Variants in LAMA1 observed in about 807,000 individuals in gnomAD.
LAMA1 encodes the protein laminin subunit alpha 1, also known as laminin subunit alpha-1.
A neutral mutation model predicts 348.7 loss-of-function variants in LAMA1; 219 were observed. The ratio of observed to expected loss-of-function variants is 0.63; its 90% CI spans 0.56 to 0.70. The LOEUF (loss-of-function observed/expected upper bound fraction) is 0.70. Ranked by LOEUF, LAMA1 falls within the 30% of genes least tolerant of loss-of-function variation. The probability of loss-of-function intolerance (pLI) is 0.00; values close to 1 mark genes in which losing one functional copy is unlikely to be tolerated. For synonymous variants in LAMA1, 1,487 were observed against 1,491.0 expected (o/e 1.00, Z 0.06); for missense variants, 3,744 against 3,888.0 (o/e 0.96, Z 0.99).
chr18:7,017,438 A>G, intron 19 of LAMA1, 54 bp from the exon 20 acceptor site: 3 of 1,278,212 alleles, frequency 2.3e-6, no homozygotes, highest in Non-Finnish European at 3.4e-6. Context: ...GATGGTTATC[A>G]TAAGATCCGT....
chr18:6,996,021 C>A (rs1425594254), intron 33 of LAMA1, among the ~76,000 whole-genome samples: 1 of 151,908 alleles, frequency 6.6e-6, no homozygotes, highest in Non-Finnish European at 1.5e-5. Flanking sequence ...AAATTTAAAT[C>A]AAATATTTGT....
Position 7,040,207 on chromosome 18 carries a change from C to T in LAMA1, c.1291G>A (p.Glu431Lys), listed in dbSNP as rs773502684. Reference sequence around the variant, plus strand: ...TCACATTTTTCTCCTGTATAACCTTCCTTACATGGGCACTGACCTGGCTGC... The same window carrying T: ...TCACATTTTTCTCCTGTATAACCTTTCTTACATGGGCACTGACCTGGCTGC... ...GKQPGQCPCKEGYTGEKCDRC... is the reference protein window; with the variant it reads ...GKQPGQCPCKKGYTGEKCDRC... Residue 431 changes from glutamate (E) to lysine (K), a missense_variant, in exon 10 of 63, where the codon GAA becomes AAA. By Grantham distance (56) the Glu-to-Lys change is moderately conservative. Around this residue, in one of 3 missense-constraint regions of LAMA1, gnomAD observed 1,529 missense variants for 1,689.4 expected, o/e 0.91. Coordinates refer to ENST00000389658, the MANE Select transcript of LAMA1 (RefSeq NM_005559.4). The T allele has an allele frequency of 1.2e-6, 2 of 1,614,038 alleles. No homozygotes were observed. Among genetic ancestry groups the T allele is most frequent in the Non-Finnish European group, 1.7e-6 (2 of 1,180,040 alleles).
rs180914650 is a variant in LAMA1 at position 7,012,391 on chromosome 18, T to C, written c.3364-253A>G. ...GAAAATACAGAGTCCCTGATGAGAA[T>C]GTCCCGAGACAACTCTGGAAGCCGC... On this transcript the variant is annotated intron_variant, in intron 23 of 62. Transcript: ENST00000389658. Among the ~76,000 whole-genome samples, 387 of 151,956 alleles carry C rather than the reference T, an allele frequency of 2.5e-3. 2 individuals are homozygous for C. The highest frequency in any genetic ancestry group is 4.7e-3 in the Non-Finnish European group (317 of 67,978).
At chr18:7,015,612 C>T in intron 22 of LAMA1, 110 bp downstream of exon 22, 1 of 1,108,742 alleles carries the variant, frequency 9.0e-7, no homozygotes. Context: ...TTTAAATTCA[C>T]AAAGCTATTC....
At chr18:6,964,932 G>T in intron 50 of LAMA1, 129 bp from the exon 51 acceptor site, 1 of 1,069,954 alleles carries the variant, frequency 9.3e-7, no homozygotes, top group South Asian at 1.4e-5. Context: ...AATTTGATCA[G>T]CTAATGTTCT....
intron 18 of LAMA1, 120 bp from the exon 19 acceptor site, chr18:7,023,495 G>C: frequency 1.2e-6 from 1 of 848,498 alleles, no homozygotes; most frequent in Non-Finnish European, 2.0e-6. Flanking sequence ...GAGATTTACT[G>C]TGAAAGGGAT....
At chr18:7,083,500 A>G (rs1011423833) in intron 1 of LAMA1, among the ~76,000 whole-genome samples, 4 of 152,028 alleles carry the variant, frequency 2.6e-5, no homozygotes, top group African/African-American at 9.7e-5. Context: ...ATATACTTTT[A>G]ATAAAAAGAA....
At chr18:6,947,124 C>A (rs568862734) in intron 61 of LAMA1, 39 bp downstream of exon 61, 2 of 1,613,938 alleles carry the variant, frequency 1.2e-6, no homozygotes, top group African/African-American at 2.7e-5. Flanking sequence ...GTCTCTGACA[C>A]TGGGGGGAGG....
Position 7,013,878 on chromosome 18 carries a change from G to T in LAMA1, c.3300C>A (p.Asp1100Glu), listed in dbSNP as rs544174711. 6.2e-7 allele frequency: 1 copy of T among 1,611,900 alleles called. No individual in the cohort carries two copies. ...CDCDLRGTSGDACNLEQGLCG... is the reference protein window; with the variant it reads ...CDCDLRGTSGEACNLEQGLCG... ...AGAGACCCTGCTCCAGGTTGCAGGC[G>T]TCCCCCGACGTCCCCCTCAGGTCAC... The change falls in exon 23 of 63, where the codon GAC becomes GAA. Residue 1100 changes from aspartate (D) to glutamate (E), a missense_variant. Transcript: ENST00000389658.
chr18:6,970,591 A>G lies in LAMA1; in HGVS notation c.6899+1266T>C, dbSNP rs184128173. Among the ~76,000 whole-genome samples, 392 of 152,092 alleles carry G rather than the reference A, an allele frequency of 2.6e-3. 2 individuals are homozygous for G. Among genetic ancestry groups the G allele is most frequent in the African/African-American group, 9.0e-3 (372 of 41,500 alleles). On this transcript the variant is annotated intron_variant, in intron 48 of 62. Transcript: ENST00000389658. ...ACTCCAAACCCTATATTCTTTTTCA[A>G]TCTTAAGGCTACAATCACCAAACCT... is the stretch of plus-strand genomic sequence containing the variant.
At chr18:7,007,093 CACTTT>C (rs2057835554) in intron 29 of LAMA1, 41 bp downstream of exon 29, 1 of 1,610,082 alleles carries the variant, frequency 6.2e-7, no homozygotes, top group African/African-American at 1.3e-5. Flanking sequence ...ACTCAGCGTC[CACTTT>C]ACTTCTAAAC....
At chr18:6,986,835 C>G (rs1195923428) in intron 36 of LAMA1, among the ~76,000 whole-genome samples, 1 of 152,224 alleles carries the variant, frequency 6.6e-6, no homozygotes, top group Admixed American at 6.5e-5. Context: ...TCTCAGCTCA[C>G]TGCAACCTCC....
At chr18:7,100,934 C>T (rs1390878080) in intron 1 of LAMA1, among the ~76,000 whole-genome samples, 2 of 151,996 alleles carry the variant, frequency 1.3e-5, no homozygotes, top group African/African-American at 4.8e-5. Context: ...CACTTGAACC[C>T]GGGAGGTGGA....
chr18:7,037,974 T>C (rs939990383), intron 11 of LAMA1, among the ~76,000 whole-genome samples: 15 of 151,912 alleles, frequency 9.9e-5, no homozygotes, highest in Admixed American at 7.2e-4. Flanking sequence ...CAAATCCAGA[T>C]CCAGTATAAG....
At chr18:6,950,317 A>G (rs2057540794) in intron 58 of LAMA1, among the ~76,000 whole-genome samples, 1 of 152,180 alleles carries the variant, frequency 6.6e-6, no homozygotes, top group African/African-American at 2.4e-5. Flanking sequence ...TGCCTATGCA[A>G]TAATTAAACT....
chr18:7,096,647 A>ACT (rs34801895), intron 1 of LAMA1, among the ~76,000 whole-genome samples: 19 of 149,688 alleles, frequency 1.3e-4, no homozygotes, highest in Admixed American at 3.3e-4. Context: ...CAAGCAAGAC[A>ACT]CTCTCTCTCT....
At chr18:7,034,924 G>A (rs1227651438) in intron 13 of LAMA1, among the ~76,000 whole-genome samples, 2 of 152,160 alleles carry the variant, frequency 1.3e-5, no homozygotes, top group Non-Finnish European at 2.9e-5. Flanking sequence ...ACTTCGCTGG[G>A]ATCTTGGAAA....
intron 3 of LAMA1, among the ~76,000 whole-genome samples, chr18:7,078,420 C>T (rs1598308803): frequency 6.6e-6 from 1 of 151,724 alleles, no homozygotes; most frequent in Non-Finnish European, 1.5e-5. Flanking sequence ...CCCGCCTTGG[C>T]CTCCCAAAGT....
intron 1 of LAMA1, among the ~76,000 whole-genome samples, chr18:7,116,816 TTCTCTCTCTCTTTCTTTCTTCTC>T (rs1261681103): frequency 1.3e-5 from 2 of 151,740 alleles, no homozygotes; most frequent in Non-Finnish European, 2.9e-5. Context: ...TCTTTTCTCT[TTCTCTCTCTCTTTCTTTCTTCTC>T]TCTCTCTCTC....
Sources: gnomAD v4.1 joint callset for allele counts (sites outside exome capture counted in the v4.1 genomes callset) on GRCh38, gnomAD v4.1.1 for gene constraint, gnomAD v4.1.1 regional missense constraint, MANE v1.5 for transcripts, NCBI Gene and HGNC (gene_info 2026-07-23, HGNC 2026-07-21) for gene names.